ZNF322: variants seen among roughly 807,000 people sequenced by gnomAD.
ZNF322 encodes the protein zinc finger protein 322.
A neutral mutation model predicts 18.3 loss-of-function variants in ZNF322; 1 was observed. The observed-to-expected ratio is 0.05, with a 90% CI of 0.02 to 0.26. The LOEUF is 0.26. ZNF322 is among the 10% of genes least tolerant of loss of function. The pLI, the probability that ZNF322 is intolerant of heterozygous loss-of-function variation, is 1.00. For missense variants in ZNF322, 36 were observed against 403.6 expected (o/e 0.09, Z 7.80); for synonymous variants, 17 against 130.7 (o/e 0.13, Z 5.93).
At chr6:26,643,022 A>G (rs1285882117) in intron 3 of ZNF322, among the ~76,000 whole-genome samples, 1 of 152,132 alleles carries the variant, frequency 6.6e-6, no homozygotes, top group Non-Finnish European at 1.5e-5. Context: ...TACTTTCACA[A>G]TAGCCCAAGA....
intron 3 of ZNF322, among the ~76,000 whole-genome samples, chr6:26,642,099 A>G (rs782081916): frequency 2.0e-5 from 3 of 152,222 alleles, no homozygotes; most frequent in Non-Finnish European, 4.4e-5. Context: ...TGGAGGCAAT[A>G]CTGCTCTTCA....
chr6:26,653,924 G>A (rs1032271480), intron 2 of ZNF322, among the ~76,000 whole-genome samples: 18 of 151,930 alleles, frequency 1.2e-4, no homozygotes, highest in African/African-American at 4.4e-4. Flanking sequence ...AAACAAATGC[G>A]CCTGTGTTTC....
In ZNF322 at chr6:26,659,685, G is replaced by A. The variant is rs1554150021; in HGVS notation, c.-579C>T. The A allele has an allele frequency of 6.2e-6, 1 of 160,806 alleles. No individual in the cohort carries two copies. Among genetic ancestry groups the A allele is most frequent in the African/African-American group, 2.4e-5 (1 of 41,478 alleles). 10.0% of individuals were successfully genotyped at this position (160,806 alleles called of 1,614,324 possible). A position where few individuals can be genotyped will look rare whatever the true frequency, so the allele number is the denominator to read the frequency against. On this transcript the variant is annotated 5_prime_UTR_variant, in exon 1 of 4. Transcript: ENST00000415922. ...GAGCGCTTTAACAGAGCGCTTCAAGGGCCCACAAGGCCGGCTACGCAAACC... is the reference window on the plus strand; with the variant it reads ...GAGCGCTTTAACAGAGCGCTTCAAGAGCCCACAAGGCCGGCTACGCAAACC...
chr6:26,647,338 C>G (rs140291002), intron 2 of ZNF322, among the ~76,000 whole-genome samples: 4 of 151,314 alleles, frequency 2.6e-5, no homozygotes, highest in African/African-American at 9.7e-5. Context: ...AATCAATGAA[C>G]TAGAGAACAA....
rs1373753988 is a variant in ZNF322, at chr6:26,636,189, CAACACTCTA to C, written c.*1147_*1155del. ...CAGCAAAAGGCTGCCATGTTACTAT[CAACACTCTA>C]GTCCCATCCTAGACAAGCATAAAAA... is the stretch of plus-strand genomic sequence containing the variant. On this transcript the variant is annotated 3_prime_UTR_variant, in exon 4 of 4. Transcript: ENST00000415922. The C allele has an allele frequency of 9.0e-5, 13 of 144,784 alleles. No homozygotes were observed. The highest frequency in any genetic ancestry group is 8.5e-4 in the Admixed American group (12 of 14,170). The allele number at this position is 144,784 out of a possible 1,614,324, so 9.0% of individuals were successfully genotyped here. A position where few individuals can be genotyped will look rare whatever the true frequency, so the allele number is the denominator to read the frequency against.
intron 2 of ZNF322, among the ~76,000 whole-genome samples, chr6:26,654,401 A>C (rs1257465647): frequency 2.0e-5 from 3 of 152,178 alleles, no homozygotes; most frequent in Non-Finnish European, 4.4e-5. Context: ...TTCTACATTG[A>C]AAAGAATCAA....
intron 2 of ZNF322, among the ~76,000 whole-genome samples, chr6:26,656,199 G>A (rs1410289078): frequency 6.6e-6 from 1 of 152,192 alleles, no homozygotes; most frequent in Non-Finnish European, 1.5e-5. Flanking sequence ...GACAGTTTAA[G>A]CTCTGGATGC....
intron 2 of ZNF322, among the ~76,000 whole-genome samples, chr6:26,644,326 G>GCA (rs1765517677): frequency 6.6e-6 from 1 of 152,184 alleles, no homozygotes; most frequent in Non-Finnish European, 1.5e-5. Context: ...AATGGGACTT[G>GCA]CAGTTCCCTC....
intron 2 of ZNF322, among the ~76,000 whole-genome samples, chr6:26,645,253 T>G (rs1333470268): frequency 1.3e-5 from 2 of 152,012 alleles, no homozygotes; most frequent in African/African-American, 2.4e-5. Context: ...GCAGTAAGAA[T>G]AAGAAGAACA....
intron 2 of ZNF322, among the ~76,000 whole-genome samples, chr6:26,649,696 T>C: frequency 1.7e-5 from 1 of 59,788 alleles, no homozygotes; most frequent in Non-Finnish European, 3.2e-5. Flanking sequence ...TATATATATA[T>C]ATATATTTTT....
At chr6:26,658,855 G>C (rs1765828956) in intron 1 of ZNF322, 4 of 152,148 alleles carry the variant, frequency 2.6e-5, no homozygotes, top group African/African-American at 9.7e-5. Flanking sequence ...ACCAGCTCTA[G>C]ACAAAATGTC....
intron 2 of ZNF322, among the ~76,000 whole-genome samples, chr6:26,646,055 A>C (rs532991878): frequency 8.1e-4 from 122 of 151,252 alleles, no homozygotes; most frequent in African/African-American, 2.8e-3. Flanking sequence ...AAATAAATAA[A>C]TAAATAAATA....
At chr6:26,651,981 G>A (rs550452342) in intron 2 of ZNF322, among the ~76,000 whole-genome samples, 1 of 152,152 alleles carries the variant, frequency 6.6e-6, no homozygotes, top group South Asian at 2.1e-4. Flanking sequence ...ACAGGCATGT[G>A]TCACTACTCC....
At chr6:26,655,066 G>A (rs1209225684) in intron 2 of ZNF322, among the ~76,000 whole-genome samples, 1 of 152,114 alleles carries the variant, frequency 6.6e-6, no homozygotes, top group Non-Finnish European at 1.5e-5. Context: ...AACCCAAACT[G>A]AGGGAAACTA....
chr6:26,659,560 G>A lies in ZNF322; in HGVS notation c.-454C>T, dbSNP rs953894278. 1.2e-5 allele frequency: 2 copies of A among 166,720 alleles called. No individual in the cohort carries two copies. The highest frequency in any genetic ancestry group is 6.5e-5 in the Admixed American group (1 of 15,290). 10.3% of individuals were successfully genotyped at this position (166,720 alleles called of 1,614,324 possible). On this transcript the variant is annotated 5_prime_UTR_variant, in exon 1 of 4. Transcript: ENST00000415922. The stretch of plus-strand genomic sequence containing the variant: ...CTGCGATAGTAGATCTAAGGGCCAG[G>A]CTTCGGGAAGGAAAGAAAAGCGAAC...
At chr6:26,654,014 T>C (rs1315517695) in intron 2 of ZNF322, among the ~76,000 whole-genome samples, 1 of 152,126 alleles carries the variant, frequency 6.6e-6, no homozygotes, top group East Asian at 1.9e-4. Flanking sequence ...AATCTAAAGA[T>C]AAAAATAACT....
At chr6:26,649,729 G>GTA (rs1230503978) in intron 2 of ZNF322, among the ~76,000 whole-genome samples, 1 of 98,300 alleles carries the variant, frequency 1.0e-5, no homozygotes, top group East Asian at 3.3e-4. Context: ...TTGAGACTGA[G>GTA]TTTCGCTCTT....
intron 2 of ZNF322, among the ~76,000 whole-genome samples, chr6:26,646,651 T>C (rs1554148769): frequency 6.6e-6 from 1 of 152,152 alleles, no homozygotes; most frequent in Non-Finnish European, 1.5e-5. Context: ...GCAGAAGGCC[T>C]AAATAACCTA....
intron 3 of ZNF322, among the ~76,000 whole-genome samples, chr6:26,642,832 G>C (rs1765489134): frequency 6.6e-6 from 1 of 152,136 alleles, no homozygotes; most frequent in Non-Finnish European, 1.5e-5. Context: ...TCAGTTTATG[G>C]CAAGTTCATC....
Sources: allele counts gnomAD v4.1 joint callset (sites outside exome capture counted in the v4.1 genomes callset), GRCh38; gene constraint gnomAD v4.1.1; transcripts MANE v1.5; gene names NCBI Gene and HGNC (gene_info 2026-07-23, HGNC 2026-07-21).